Variants in PARPBP observed in about 807,000 individuals in gnomAD.
PARPBP encodes PCNA-interacting partner.
Under a neutral mutation model 50.0 loss-of-function variants are expected in PARPBP, and 52 were observed. The observed-to-expected ratio is 1.04, with a 90% CI of 0.83 to 1.31. The LOEUF (loss-of-function observed/expected upper bound fraction) is 1.31. PARPBP is among the 50% of genes most tolerant of loss of function. PARPBP has a pLI of 0.00. For missense variants in PARPBP, 697 were observed against 672.0 expected (o/e 1.04, Z -0.41); for synonymous variants, 244 against 232.1 (o/e 1.05, Z -0.47).
intron 9 of PARPBP, among the ~76,000 whole-genome samples, 161 bp from the exon 10 acceptor site, chr12:102,195,151 A>T (rs1313487071): frequency 6.6e-6 from 1 of 151,776 alleles, no homozygotes; most frequent in Admixed American, 6.6e-5. Context: ...ATGAGTTTGC[A>T]AACTATGAAA....
chr12:102,149,795 A>C (rs1201482474), intron 3 of PARPBP, among the ~76,000 whole-genome samples: 2 of 152,218 alleles, frequency 1.3e-5, no homozygotes, highest in Non-Finnish European at 2.9e-5. Flanking sequence ...ATCCGCACAC[A>C]TGTACAACTA....
intron 2 of PARPBP, among the ~76,000 whole-genome samples, chr12:102,136,431 A>G (rs1280330542): frequency 1.3e-5 from 2 of 152,230 alleles, no homozygotes; most frequent in Admixed American, 6.5e-5. Context: ...AGAAATAAGT[A>G]GATTTTTTCA....
chr12:102,182,270 A>G (rs1334799293), intron 8 of PARPBP, among the ~76,000 whole-genome samples: 2 of 152,190 alleles, frequency 1.3e-5, no homozygotes, highest in African/African-American at 4.8e-5. Flanking sequence ...GTGTTGCCTG[A>G]TGATTTTGCC....
chr12:102,138,965 A>G (rs1884110549), intron 2 of PARPBP, among the ~76,000 whole-genome samples: 2 of 151,154 alleles, frequency 1.3e-5, no homozygotes, highest in African/African-American at 4.8e-5. Flanking sequence ...TGTCTTGGCA[A>G]TGTGGGCTCT....
chr12:102,155,602 G>GC (rs1374870449), intron 4 of PARPBP, among the ~76,000 whole-genome samples: 8 of 122,054 alleles, frequency 6.6e-5, no homozygotes, highest in East Asian at 6.1e-4. Context: ...GGTGGGGGGG[G>GC]GGGGCGGGGA....
chr12:102,127,518 T>G (rs1463995474), intron 2 of PARPBP, among the ~76,000 whole-genome samples: 2 of 152,254 alleles, frequency 1.3e-5, no homozygotes, highest in Non-Finnish European at 2.9e-5. Flanking sequence ...TGGTATTTCA[T>G]TTTATTTTTT....
At chr12:102,131,811 A>G (rs931457612) in intron 2 of PARPBP, among the ~76,000 whole-genome samples, 4 of 152,208 alleles carry the variant, frequency 2.6e-5, no homozygotes, top group Non-Finnish European at 5.9e-5. Flanking sequence ...ATAGAGGGAA[A>G]TAACAGGTAC....
Position 102,197,446 on chromosome 12 carries a change from GTT to G in PARPBP, c.*1158_*1159del. 7.6e-7 allele frequency: 1 copy of G among 1,317,452 alleles called. No individual in the cohort carries two copies. The highest frequency in any genetic ancestry group is 2.3e-5 in the East Asian group (1 of 43,356). 81.6% of individuals were successfully genotyped at this position (1,317,452 alleles called of 1,614,324 possible). ...TATACTTCTGTTTATAAAAGTATCAGTTTTACTTTTCAGAGGATTTGTAAGAA... is the reference window on the plus strand; with the variant it reads ...TATACTTCTGTTTATAAAAGTATCAGTTACTTTTCAGAGGATTTGTAAGAA... On this transcript the variant is annotated 3_prime_UTR_variant, in exon 11 of 11. Transcript: ENST00000327680.
chr12:102,158,073 A>G (rs561233966), intron 4 of PARPBP, among the ~76,000 whole-genome samples: 1 of 138,098 alleles, frequency 7.2e-6, no homozygotes, highest in Non-Finnish European at 1.5e-5. Context: ...GTGAGCCGAG[A>G]TGGTGCCACT....
chr12:102,150,778 G>C (rs956312402), intron 3 of PARPBP, among the ~76,000 whole-genome samples: 1 of 152,212 alleles, frequency 6.6e-6, no homozygotes, highest in African/African-American at 2.4e-5. Flanking sequence ...TCAGAGATCT[G>C]TGGACGTCTT....
Position 102,197,042 on chromosome 12 carries a change from G to C in PARPBP, c.*751G>C. 6.2e-7 allele frequency: 1 copy of C among 1,611,954 alleles called. No individual in the cohort carries two copies. Among genetic ancestry groups the C allele is most frequent in the Admixed American group, 1.7e-5 (1 of 59,850 alleles). ...TCATCCCCAATTTCTCTCTTTTCTTGTGTTGATTCAGTATTCTGAACTCCA... is the reference window on the plus strand; with the variant it reads ...TCATCCCCAATTTCTCTCTTTTCTTCTGTTGATTCAGTATTCTGAACTCCA... On this transcript the variant is annotated 3_prime_UTR_variant, in exon 11 of 11. Coordinates refer to ENST00000327680, the MANE Select transcript of PARPBP (RefSeq NM_017915.5).
At chr12:102,182,922 A>G (rs546678493) in intron 9 of PARPBP, among the ~76,000 whole-genome samples, 3 of 152,326 alleles carry the variant, frequency 2.0e-5, no homozygotes, top group Admixed American at 2.0e-4. Context: ...TGGAAAATAA[A>G]AGAAGATAAG....
intron 2 of PARPBP, among the ~76,000 whole-genome samples, chr12:102,141,308 C>T (rs1402775995): frequency 6.6e-6 from 1 of 151,940 alleles, no homozygotes; most frequent in East Asian, 1.9e-4. Flanking sequence ...ATTGCAACCC[C>T]TGCTTTTTTT....
intron 8 of PARPBP, among the ~76,000 whole-genome samples, chr12:102,181,468 T>C (rs1035022726): frequency 4.6e-5 from 7 of 152,202 alleles, no homozygotes; most frequent in Non-Finnish European, 1.0e-4. Flanking sequence ...GCTACAAACC[T>C]GTACAGTATG....
At chr12:102,131,243 TG>T in intron 2 of PARPBP, among the ~76,000 whole-genome samples, 1 of 152,250 alleles carries the variant, frequency 6.6e-6, no homozygotes, top group African/African-American at 2.4e-5. Context: ...TAGAATCACT[TG>T]AACCCGAGAG....
At chr12:102,193,369 T>G (rs1252835260) in intron 9 of PARPBP, among the ~76,000 whole-genome samples, 1 of 151,938 alleles carries the variant, frequency 6.6e-6, no homozygotes, top group Admixed American at 6.6e-5. Context: ...TAGAATATTT[T>G]ATGGGTGGTG....
rs564563291 is a variant in PARPBP, at chr12:102,120,256, A to G, written c.-34A>G. On this transcript the variant is annotated 5_prime_UTR_variant, in exon 1 of 11. Transcript: ENST00000327680. ...CGTTGGGGATCCTTCCGCACACTGA[A>G]GAGTACGTCTTCGGGTCTACCCCTA... 3.6e-6 allele frequency: 1 copy of G among 275,610 alleles called. No homozygotes were observed. The highest frequency in any genetic ancestry group is 1.1e-4 in the East Asian group (1 of 8,914). 17.1% of individuals were successfully genotyped at this position (275,610 alleles called of 1,614,324 possible).
At chr12:102,140,813 T>C (rs949188563) in intron 2 of PARPBP, among the ~76,000 whole-genome samples, 24 of 152,220 alleles carry the variant, frequency 1.6e-4, no homozygotes, top group Non-Finnish European at 8.8e-5. Context: ...TTCTTAATCC[T>C]GAGTTCTAGT....
At chr12:102,158,722 A>C (rs1887236111) in intron 4 of PARPBP, among the ~76,000 whole-genome samples, 2 of 152,076 alleles carry the variant, frequency 1.3e-5, no homozygotes, top group Admixed American at 1.3e-4. Context: ...GTGTATCAAA[A>C]GGGTAGATTA....
Sources: gnomAD v4.1 joint callset for allele counts (sites outside exome capture counted in the v4.1 genomes callset) on GRCh38, gnomAD v4.1.1 for gene constraint, MANE v1.5 for transcripts, NCBI Gene and HGNC (gene_info 2026-07-23, HGNC 2026-07-21) for gene names.